The following RAMP1 variants were observed in gnomAD, a reference collection of about 807,000 sequenced individuals.
RAMP1 encodes the protein receptor activity-modifying protein 1.
In RAMP1, 7 loss-of-function variants were observed where a neutral mutation model predicts 8.2. The ratio of observed to expected loss-of-function variants is 0.85; its 90% CI spans 0.49 to 1.60. The LOEUF is 1.60. RAMP1 is among the 40% of genes most tolerant of loss of function. The pLI, the probability that RAMP1 is intolerant of heterozygous loss-of-function variation, is 0.00. For missense variants in RAMP1, 192 were observed against 202.4 expected, an observed-to-expected ratio of 0.95 and a Z score of 0.31; for synonymous variants, 92 against 84.7, an observed-to-expected ratio of 1.09 and a Z score of -0.47.
At position 237,865,474 on chromosome 2, in the gene RAMP1, C is replaced by T. The variant is rs2062178588; in HGVS notation, c.52+5747C>T. 6.6e-6 allele frequency among the ~76,000 whole-genome samples: 1 copy of T among 152,044 alleles called. No homozygotes were observed. The highest frequency in any genetic ancestry group is 1.5e-5 in the Non-Finnish European group (1 of 67,998). ...ACAAGAAGCATAAGCCTGTCTCATA[C>T]AGTATCGGGAACATGCCTCAAAAAC... is the stretch of plus-strand genomic sequence containing the variant. On this transcript the variant is annotated intron_variant, in intron 1 of 2. Transcript: ENST00000254661. This position sits in a 1 kb window ranked among gnomAD's most constrained non-coding sequence, Gnocchi z 4.2.
intron 2 of RAMP1, among the ~76,000 whole-genome samples, chr2:237,902,421 T>G (rs1327497711): frequency 2.0e-4 from 25 of 123,552 alleles, no homozygotes; most frequent in African/African-American, 4.7e-4. Flanking sequence ...GACAGGGAGA[T>G]GGAGGAGGGA....
chr2:237,911,635 A>T lies in RAMP1; in HGVS notation c.299A>T (p.Tyr100Phe). The part of the protein sequence containing the change: ...DRFFLAVHGR[Y>F]FRSCPISGRA... ...TTCTTCCTGGCAGTGCATGGCCGCTACTTCAGGAGCTGCCCCATCTCAGGC... is the reference window on the plus strand; with the variant it reads ...TTCTTCCTGGCAGTGCATGGCCGCTTCTTCAGGAGCTGCCCCATCTCAGGC... Residue 100 changes from tyrosine (Y) to phenylalanine (F), a missense_variant, in exon 3 of 3, where the codon TAC becomes TTC. By Grantham distance (22) the Tyr-to-Phe change is conservative. Coordinates refer to ENST00000254661, the MANE Select transcript of RAMP1 (RefSeq NM_005855.4). 2 of 1,614,106 alleles carry T rather than the reference A, an allele frequency of 1.2e-6. No homozygotes were observed. Among genetic ancestry groups the T allele is most frequent in the East Asian group, 4.5e-5 (2 of 44,878 alleles).
chr2:237,874,149 T>G (rs1238186941), intron 1 of RAMP1, among the ~76,000 whole-genome samples: 2 of 152,166 alleles, frequency 1.3e-5, no homozygotes, highest in Non-Finnish European at 2.9e-5. Context: ...GACAGGGGAT[T>G]GCATGGGTGG....
intron 2 of RAMP1, among the ~76,000 whole-genome samples, chr2:237,888,581 G>GT (rs2062458877): frequency 6.6e-6 from 1 of 152,132 alleles, no homozygotes; most frequent in Non-Finnish European, 1.5e-5. Context: ...TTTGGAATTT[G>GT]TTTTTTCTCA....
chr2:237,905,090 CAA>C (rs1419801510), intron 2 of RAMP1, among the ~76,000 whole-genome samples: 3 of 152,132 alleles, frequency 2.0e-5, no homozygotes, highest in Non-Finnish European at 2.9e-5. Flanking sequence ...ACATTCCAAG[CAA>C]AGTTTGCTTC....
intron 2 of RAMP1, among the ~76,000 whole-genome samples, chr2:237,884,062 A>C (rs370390193): frequency 6.8e-4 from 103 of 151,886 alleles, no homozygotes; most frequent in African/African-American, 2.3e-3. Context: ...TCCTCCGCTC[A>C]TCCTGTTGCT....
chr2:237,884,592 G>A (rs1485183989), intron 2 of RAMP1, among the ~76,000 whole-genome samples: 1 of 152,186 alleles, frequency 6.6e-6, no homozygotes. Flanking sequence ...ACCCTGTATG[G>A]CTTCAGGGTC....
At chr2:237,874,243 A>G (rs1472075160) in intron 1 of RAMP1, among the ~76,000 whole-genome samples, 5 of 152,236 alleles carry the variant, frequency 3.3e-5, no homozygotes, top group Non-Finnish European at 7.3e-5. Context: ...CCCAGGGGAC[A>G]GCAGGAGATT....
At chr2:237,859,770 C>G in intron 1 of RAMP1, 43 bp downstream of exon 1, 1 of 1,483,162 alleles carries the variant, frequency 6.7e-7, no homozygotes, top group Non-Finnish European at 9.0e-7. Flanking sequence ...CTTCCCCTGG[C>G]CAGCCGGTGT....
chr2:237,866,738 T>A (rs201482056), intron 1 of RAMP1, among the ~76,000 whole-genome samples: 7 of 149,830 alleles, frequency 4.7e-5, no homozygotes, highest in Non-Finnish European at 7.4e-5. Flanking sequence ...TTTTTTTTTT[T>A]CTTTTTTTGA....
At chr2:237,869,617 A>C (rs575624411) in intron 1 of RAMP1, among the ~76,000 whole-genome samples, 1 of 152,312 alleles carries the variant, frequency 6.6e-6, no homozygotes, top group South Asian at 2.1e-4. Context: ...AAGGCCAAAT[A>C]ATATTCCACT....
At chr2:237,884,058 G>A (rs943994581) in intron 2 of RAMP1, among the ~76,000 whole-genome samples, 2 of 151,486 alleles carry the variant, frequency 1.3e-5, no homozygotes, top group Non-Finnish European at 2.9e-5. Flanking sequence ...CCACTCCTCC[G>A]CTCATCCTGT....
intron 2 of RAMP1, among the ~76,000 whole-genome samples, chr2:237,899,230 C>A (rs1181058065): frequency 5.3e-5 from 8 of 152,156 alleles, no homozygotes; most frequent in Non-Finnish European, 1.2e-4. Context: ...GCTGCCACAC[C>A]CAGCTAATTT....
intron 2 of RAMP1, among the ~76,000 whole-genome samples, chr2:237,901,735 G>A (rs1464693679): frequency 1.3e-5 from 2 of 152,202 alleles, no homozygotes; most frequent in African/African-American, 4.8e-5. Flanking sequence ...GTGGGATGTG[G>A]CCTGGAGAGC....
chr2:237,911,016 TCA>T (rs1228614178), intron 2 of RAMP1, among the ~76,000 whole-genome samples: 2 of 150,424 alleles, frequency 1.3e-5, no homozygotes, highest in African/African-American at 4.9e-5. Flanking sequence ...ACACACACGG[TCA>T]CACAGAGAAT....
intron 2 of RAMP1, among the ~76,000 whole-genome samples, chr2:237,902,329 T>C: frequency 1.3e-5 from 1 of 74,384 alleles, no homozygotes; most frequent in African/African-American, 5.5e-5. Flanking sequence ...GAGGGAGGGA[T>C]CAGGGGGTGG....
chr2:237,911,617 T>C lies in RAMP1; in HGVS notation c.281T>C (p.Leu94Pro). ...AATGCAGAGGTGGACAGGTTCTTCC[T>C]GGCAGTGCATGGCCGCTACTTCAGG... is the stretch of plus-strand genomic sequence containing the variant. ...WPNAEVDRFF[L>P]AVHGRYFRSC... The change falls in exon 3 of 3, where the codon CTG becomes CCG. Residue 94 changes from leucine to proline, a missense_variant. Leu to Pro is a moderately conservative substitution (Grantham distance 98). Coordinates refer to ENST00000254661, the MANE Select transcript of RAMP1 (RefSeq NM_005855.4). 6.2e-7 allele frequency: 1 copy of C among 1,614,136 alleles called. No individual in the cohort carries two copies.
chr2:237,861,940 AT>A (rs1321217670), intron 1 of RAMP1, among the ~76,000 whole-genome samples: 1 of 152,104 alleles, frequency 6.6e-6, no homozygotes, highest in Non-Finnish European at 1.5e-5. Context: ...CTCTACATGC[AT>A]TCTGAAAAGT....
At chr2:237,905,039 G>A (rs937905438) in intron 2 of RAMP1, among the ~76,000 whole-genome samples, 4 of 152,044 alleles carry the variant, frequency 2.6e-5, no homozygotes, top group Non-Finnish European at 5.9e-5. Flanking sequence ...CCTTGACTTG[G>A]GACCCAGATA....
Sources: gnomAD v4.1 joint callset for allele counts (sites outside exome capture counted in the v4.1 genomes callset) on GRCh38, gnomAD v4.1.1 for gene constraint, Gnocchi (gnomAD v3.1) non-coding constraint, MANE v1.5 for transcripts, NCBI Gene and HGNC (gene_info 2026-07-23, HGNC 2026-07-21) for gene names.